The following ABCB5 variants were observed in gnomAD, a reference collection of about 807,000 sequenced individuals.
ABCB5 encodes ATP binding cassette subfamily B member 5.
ABCB5 carries 155 observed loss-of-function variants against 144.2 expected under a neutral mutation model. The ratio of observed to expected loss-of-function variants is 1.08; its 90% CI spans 0.94 to 1.23. The LOEUF is 1.23. Among genes scored for constraint, ABCB5 ranks in the 50% most tolerant of loss-of-function variants. The probability of loss-of-function intolerance (pLI) is 0.00; values close to 1 mark genes in which losing one functional copy is unlikely to be tolerated. For synonymous variants in ABCB5, 610 were observed against 528.6 expected (o/e 1.15, Z -2.11); for missense variants, 1,830 against 1,520.8 (o/e 1.20, Z -3.38).
At chr7:20,666,876 A>G (rs780663733) in intron 14 of ABCB5, 62 of 1,343,406 alleles carry the variant, frequency 4.6e-5, no homozygotes, top group Non-Finnish European at 5.9e-5. Flanking sequence ...ATTCTGGCTA[A>G]AAGACAGCAT....
At chr7:20,695,514 TCTC>T (rs1229885757) in intron 16 of ABCB5, among the ~76,000 whole-genome samples, 1 of 151,782 alleles carries the variant, frequency 6.6e-6, no homozygotes, top group East Asian at 1.9e-4. Flanking sequence ...TAAGCAAAGA[TCTC>T]CTAAATATAA....
At chr7:20,702,818 C>T (rs572222350) in intron 19 of ABCB5, among the ~76,000 whole-genome samples, 306 of 146,252 alleles carry the variant, frequency 2.1e-3, no homozygotes, top group Middle Eastern at 3.5e-3. Context: ...CCCACCGCCA[C>T]GCCTGGCTAA....
intron 12 of ABCB5, among the ~76,000 whole-genome samples, chr7:20,651,004 G>A (rs1018954520): frequency 1.3e-5 from 2 of 152,174 alleles, no homozygotes; most frequent in African/African-American, 4.8e-5. Context: ...CAATGAATAG[G>A]AGACACTTTT....
chr7:20,736,975 G>C (rs970681936), intron 23 of ABCB5, among the ~76,000 whole-genome samples: 7 of 152,090 alleles, frequency 4.6e-5, no homozygotes, highest in Admixed American at 3.9e-4. Context: ...GGATCACTAG[G>C]TCAGCAGTTC....
At chr7:20,706,498 A>C (rs899997516) in intron 20 of ABCB5, among the ~76,000 whole-genome samples, 4 of 152,220 alleles carry the variant, frequency 2.6e-5, no homozygotes, top group Non-Finnish European at 5.9e-5. Flanking sequence ...ATTGTCCCTG[A>C]GGGAAATTAC....
rs1476063082 is a variant in ABCB5, at chr7:20,698,492, C to G, written c.2096C>G (p.Ser699Cys). The G allele has an allele frequency of 6.2e-7, 1 of 1,605,942 alleles. No individual in the cohort carries two copies. The highest frequency in any genetic ancestry group is 1.3e-5 in the African/African-American group (1 of 74,288). Residue 699 changes from serine (S) to cysteine (C), a missense_variant, in exon 17 of 28, where the codon TCT becomes TGT. Physicochemically the swap from Ser to Cys is moderately radical, Grantham distance 112. Transcript: ENST00000404938. Reference sequence around the variant, plus strand: ...TTTGTGGTTCTGGGGACATTGGCTTCTGTTCTAAATGGAACTGTTCATCCA... The same window carrying G: ...TTTGTGGTTCTGGGGACATTGGCTTGTGTTCTAAATGGAACTGTTCATCCA... ...WPFVVLGTLA[S>C]VLNGTVHPVF... is the part of the protein sequence containing the mutation.
chr7:20,731,818 ATTC>A (rs1470840894), intron 23 of ABCB5, among the ~76,000 whole-genome samples: 2 of 151,922 alleles, frequency 1.3e-5, no homozygotes, highest in Non-Finnish European at 1.5e-5. Flanking sequence ...TAATTCCAAA[ATTC>A]TTCTCATCCT....
rs1163480344 is a variant in ABCB5 at position 20,756,809 on chromosome 7, T to A, written c.*1185T>A. On this transcript the variant is annotated 3_prime_UTR_variant, in exon 28 of 28. Coordinates refer to ENST00000404938, the MANE Select transcript of ABCB5 (RefSeq NM_001163941.2). ...CAATATTGGTAAAATGAGTTACATT[T>A]TCAACTTACTTAAATATGTAATGTC... is the stretch of plus-strand genomic sequence containing the variant. 6.6e-6 allele frequency: 1 copy of A among 152,342 alleles called. No homozygotes were observed. The highest frequency in any genetic ancestry group is 1.5e-5 in the Non-Finnish European group (1 of 68,040). The allele number at this position is 152,342 out of a possible 1,614,324, so 9.4% of individuals were successfully genotyped here.
intron 24 of ABCB5, among the ~76,000 whole-genome samples, chr7:20,740,915 T>C (rs964132173): frequency 8.6e-5 from 13 of 152,030 alleles, no homozygotes; most frequent in African/African-American, 2.9e-4. Context: ...AAGTTCAGCC[T>C]GGTTAACATG....
At chr7:20,621,556 G>C (rs1475544352) in intron 1 of ABCB5, among the ~76,000 whole-genome samples, 1 of 152,164 alleles carries the variant, frequency 6.6e-6, no homozygotes, top group East Asian at 1.9e-4. Context: ...CATATCTTTT[G>C]ATTCTACAAA....
At chr7:20,636,039 T>TAA (rs1463222839) in intron 5 of ABCB5, among the ~76,000 whole-genome samples, 8 of 152,172 alleles carry the variant, frequency 5.3e-5, no homozygotes, top group African/African-American at 1.9e-4. Flanking sequence ...ACTGAACATT[T>TAA]TTTTCATCAT....
At chr7:20,692,140 A>G (rs557450174) in intron 16 of ABCB5, among the ~76,000 whole-genome samples, 29 of 152,280 alleles carry the variant, frequency 1.9e-4, no homozygotes, top group African/African-American at 5.8e-4. Flanking sequence ...AAGAAGCTCA[A>G]TAAATTCTAA....
chr7:20,735,045 C>A (rs1446893231), intron 23 of ABCB5, among the ~76,000 whole-genome samples: 1 of 152,198 alleles, frequency 6.6e-6, no homozygotes. Context: ...GCCTTCCTTT[C>A]CCCACTGCAA....
At chr7:20,692,441 G>T (rs1322929748) in intron 16 of ABCB5, among the ~76,000 whole-genome samples, 4 of 151,298 alleles carry the variant, frequency 2.6e-5, no homozygotes, top group Non-Finnish European at 5.9e-5. Context: ...GAAATTAAAG[G>T]TTAAAATAAT....
At chr7:20,694,434 C>G (rs575960460) in intron 16 of ABCB5, among the ~76,000 whole-genome samples, 1 of 151,930 alleles carries the variant, frequency 6.6e-6, no homozygotes. Flanking sequence ...TTTGATAACT[C>G]TCAGCAAGCA....
chr7:20,714,508 G>C (rs1029122457), intron 20 of ABCB5, among the ~76,000 whole-genome samples: 2 of 151,686 alleles, frequency 1.3e-5, no homozygotes, highest in Non-Finnish European at 2.9e-5. Context: ...AGTACTCCTC[G>C]AGGCCAAGAG....
intron 22 of ABCB5, among the ~76,000 whole-genome samples, chr7:20,727,852 T>C (rs573073725): frequency 1.6e-5 from 2 of 128,588 alleles, no homozygotes; most frequent in African/African-American, 6.2e-5. Flanking sequence ...CACATTGACT[T>C]AGTGATGCTT....
At chr7:20,749,057 T>C (rs1030049706) in intron 26 of ABCB5, among the ~76,000 whole-genome samples, 1 of 152,034 alleles carries the variant, frequency 6.6e-6, no homozygotes, top group African/African-American at 2.4e-5. Flanking sequence ...TCTCCCTTTC[T>C]TTCTCTCTCC....
At position 20,741,010 on chromosome 7, in the gene ABCB5, G is replaced by A. The variant is rs1357372289; in HGVS notation, c.3025-1867G>A. On this transcript the variant is annotated intron_variant, in intron 24 of 27. Coordinates refer to ENST00000404938, the MANE Select transcript of ABCB5 (RefSeq NM_001163941.2). ...CCCAGCTGCTCGGGAGGCCGAGGCA[G>A]GAGGATCGCTTGAACCTGGGAGGCA... is the stretch of plus-strand genomic sequence containing the variant. 2.6e-5 allele frequency among the ~76,000 whole-genome samples: 4 copies of A among 151,808 alleles called. 1 individual carries two copies. The highest frequency in any genetic ancestry group is 4.8e-5 in the African/African-American group (2 of 41,362).
Sources: allele counts gnomAD v4.1 joint callset (sites outside exome capture counted in the v4.1 genomes callset), GRCh38; gene constraint gnomAD v4.1.1; transcripts MANE v1.5; gene names NCBI Gene and HGNC (gene_info 2026-07-23, HGNC 2026-07-21).